ITGA1: variants seen among roughly 807,000 people sequenced by gnomAD.
The protein encoded by ITGA1 is integrin alpha-1.
In ITGA1, 85 loss-of-function variants were observed where a neutral mutation model predicts 145.9. The ratio of observed to expected loss-of-function variants is 0.58; its 90% CI spans 0.49 to 0.70. The LOEUF (loss-of-function observed/expected upper bound fraction) is 0.70. ITGA1 is among the 30% of genes least tolerant of loss of function. The pLI is 0.00. For missense variants in ITGA1, 1,351 were observed against 1,418.7 expected (o/e 0.95, Z 0.77); for synonymous variants, 520 against 495.3 (o/e 1.05, Z -0.66).
intron 24 of ITGA1, 53 bp from the exon 25 acceptor site, chr5:52,939,536 GT>G: frequency 1.7e-6 from 2 of 1,204,336 alleles, no homozygotes; most frequent in East Asian, 2.4e-5. Flanking sequence ...AGCAAGTCAT[GT>G]TTTTCCTCTG....
chr5:52,912,179 A>C (rs1264529798), intron 14 of ITGA1, among the ~76,000 whole-genome samples: 1 of 143,658 alleles, frequency 7.0e-6, no homozygotes, highest in Non-Finnish European at 1.5e-5. Flanking sequence ...TCTAGTATAT[A>C]GATACGCTAT....
intron 2 of ITGA1, among the ~76,000 whole-genome samples, chr5:52,855,520 T>A (rs979538834): frequency 6.6e-6 from 1 of 152,162 alleles, no homozygotes; most frequent in Non-Finnish European, 1.5e-5. Flanking sequence ...AGGATGTGTT[T>A]GTGAACAAAA....
intron 1 of ITGA1, among the ~76,000 whole-genome samples, chr5:52,817,692 T>C: frequency 6.6e-6 from 1 of 152,226 alleles, no homozygotes; most frequent in East Asian, 1.9e-4. Context: ...TCTACCAGAA[T>C]GTTACCCTAT....
At chr5:52,811,354 C>T (rs1485376665) in intron 1 of ITGA1, among the ~76,000 whole-genome samples, 1 of 152,182 alleles carries the variant, frequency 6.6e-6, no homozygotes, top group African/African-American at 2.4e-5. Flanking sequence ...CATAATCTCT[C>T]TTGCAGATAT....
At position 52,862,641 on chromosome 5, in the gene ITGA1, G is replaced by A. The variant is rs145084534; in HGVS notation, c.295+1082G>A. 1.9e-3 allele frequency among the ~76,000 whole-genome samples: 290 copies of A among 152,234 alleles called. 2 individuals are homozygous for A. Among genetic ancestry groups the A allele is most frequent in the African/African-American group, 6.6e-3 (274 of 41,528 alleles). The stretch of plus-strand genomic sequence containing the variant: ...TGGTTTTCAAGAGGAAATAGAATCA[G>A]AGGAATTGTAATAGATAAATTTAAT... On this transcript the variant is annotated intron_variant, in intron 3 of 28. Transcript: ENST00000282588.
chr5:52,910,220 G>A lies in ITGA1; in HGVS notation c.1658G>A (p.Arg553Gln), dbSNP rs200679010. ...EPIKQTCCSS[R>Q]QHNSCTTENK... ...ATTAAGCAGACGTGCTGTTCATCTC[G>A]GCAGCACAATTCATGCACAACAGAA... The change falls in exon 14 of 29, where the codon CGG (arginine) becomes CAG (glutamine). Residue 553 changes from arginine (R) to glutamine (Q), a missense_variant. By Grantham distance (43) the Arg-to-Gln change is conservative. Transcript: ENST00000282588. 1.3e-4 allele frequency: 205 copies of A among 1,613,658 alleles called. No homozygotes were observed. Among genetic ancestry groups the A allele is most frequent in the Non-Finnish European group, 1.7e-4 (200 of 1,179,804 alleles).
chr5:52,828,063 G>C (rs536415398), intron 1 of ITGA1, among the ~76,000 whole-genome samples: 1 of 152,214 alleles, frequency 6.6e-6, no homozygotes, highest in South Asian at 2.1e-4. Flanking sequence ...ATGGACATTT[G>C]AGTCATTTCC....
chr5:52,804,546 A>T (rs772045039), intron 1 of ITGA1, among the ~76,000 whole-genome samples: 3 of 152,032 alleles, frequency 2.0e-5, no homozygotes, highest in Non-Finnish European at 4.4e-5. Flanking sequence ...CATTTTTCTT[A>T]TCTTTACTTA....
intron 6 of ITGA1, among the ~76,000 whole-genome samples, chr5:52,881,271 G>A (rs568239175): frequency 6.6e-6 from 1 of 152,188 alleles, no homozygotes; most frequent in Admixed American, 6.5e-5. Context: ...CCTGGCCATG[G>A]CTCACTGCCT....
intron 1 of ITGA1, among the ~76,000 whole-genome samples, chr5:52,843,188 G>A (rs1749283932): frequency 1.3e-5 from 2 of 152,002 alleles, no homozygotes; most frequent in South Asian, 4.1e-4. Context: ...ACCATTCACT[G>A]TAAAAACATA....
chr5:52,844,398 C>A (rs964980582), intron 1 of ITGA1, among the ~76,000 whole-genome samples: 1 of 152,192 alleles, frequency 6.6e-6, no homozygotes, highest in African/African-American at 2.4e-5. Context: ...CTTCTAAGCT[C>A]ATCCTCATAT....
intron 11 of ITGA1, among the ~76,000 whole-genome samples, chr5:52,899,668 C>T (rs1035756014): frequency 3.3e-5 from 5 of 152,184 alleles, no homozygotes; most frequent in African/African-American, 1.2e-4. Context: ...CTACAAGTCT[C>T]ACTCTCTCGA....
intron 1 of ITGA1, chr5:52,824,926 C>T (rs1748937161): frequency 6.6e-6 from 1 of 152,042 alleles, no homozygotes; most frequent in Admixed American, 6.6e-5. Context: ...AATTGAGCTG[C>T]TTCTTATTTT....
chr5:52,910,424 G>T lies in ITGA1; in HGVS notation c.1857+5G>T. 1 of 1,607,712 alleles carries T rather than the reference G, an allele frequency of 6.2e-7. No homozygotes were observed. On this transcript the variant is annotated splice_donor_5th_base_variant and intron_variant, in intron 14 of 28. Transcript: ENST00000282588. ...ATAAGGAAAGAGTATGCACAAGTAA[G>T]AATTGAAACCTACAGATTCCCACCC...
chr5:52,843,127 G>T (rs1749282611), intron 1 of ITGA1, among the ~76,000 whole-genome samples: 1 of 152,200 alleles, frequency 6.6e-6, no homozygotes, highest in East Asian at 1.9e-4. Context: ...ATTAGTTCCT[G>T]TATCTCCAGG....
chr5:52,919,633 T>A (rs1184350356), intron 16 of ITGA1, among the ~76,000 whole-genome samples: 1 of 152,202 alleles, frequency 6.6e-6, no homozygotes. Flanking sequence ...TGCATGTATA[T>A]GCTCTGAAAT....
At chr5:52,820,274 C>CA (rs1483588505) in intron 1 of ITGA1, among the ~76,000 whole-genome samples, 1 of 144,602 alleles carries the variant, frequency 6.9e-6, no homozygotes, top group Non-Finnish European at 1.5e-5. Context: ...ATCGCAAGGA[C>CA]AAAAAACCAA....
intron 2 of ITGA1, among the ~76,000 whole-genome samples, chr5:52,854,641 T>G (rs995498057): frequency 2.6e-5 from 4 of 152,174 alleles, no homozygotes; most frequent in Admixed American, 2.6e-4. Flanking sequence ...AGGATGTTAA[T>G]GAAATAATGT....
At chr5:52,912,719 TG>T (rs1429286165) in intron 14 of ITGA1, among the ~76,000 whole-genome samples, 1 of 126,732 alleles carries the variant, frequency 7.9e-6, no homozygotes, top group East Asian at 2.0e-4. Flanking sequence ...ATAGTGTGTG[TG>T]TGTGTGTGTG....
Sources: allele counts gnomAD v4.1 joint callset (sites outside exome capture counted in the v4.1 genomes callset), GRCh38; gene constraint gnomAD v4.1.1; transcripts MANE v1.5; gene names NCBI Gene and HGNC (gene_info 2026-07-23, HGNC 2026-07-21).